Variants in KLHL7 observed in about 807,000 individuals in gnomAD.
KLHL7 encodes the protein kelch-like protein 7.
Under a neutral mutation model 67.4 loss-of-function variants are expected in KLHL7, and 44 were observed. That is an observed-to-expected ratio of 0.65 (90% CI 0.51 to 0.84). The LOEUF (loss-of-function observed/expected upper bound fraction) is 0.84. Ranked by LOEUF, KLHL7 falls within the 40% of genes least tolerant of loss-of-function variation. KLHL7 has a pLI of 0.00. For missense variants in KLHL7, 362 were observed against 718.1 expected (o/e 0.50, Z 5.67); for synonymous variants, 252 against 243.3 (o/e 1.04, Z -0.33).
intron 4 of KLHL7, among the ~76,000 whole-genome samples, chr7:23,131,289 A>C (rs1329010932): frequency 6.6e-6 from 1 of 152,182 alleles, no homozygotes; most frequent in Non-Finnish European, 1.5e-5. Flanking sequence ...GCCTTTGAAA[A>C]TTTGGCCCTT....
chr7:23,165,617 T>C (rs1206276565), intron 7 of KLHL7, 81 bp from the exon 8 acceptor site: 90 of 1,470,194 alleles, frequency 6.1e-5, no homozygotes, highest in Non-Finnish European at 7.7e-5. Flanking sequence ...TTCTTATATG[T>C]TTTTTGACTG....
At chr7:23,146,668 T>TCTTCTTC (rs1554290060) in intron 6 of KLHL7, among the ~76,000 whole-genome samples, 6 of 128,258 alleles carry the variant, frequency 4.7e-5, no homozygotes, top group African/African-American at 2.7e-4. Context: ...TTCTTCTTCT[T>TCTTCTTC]TTTTTTTTAA....
At chr7:23,168,788 A>G (rs1487988415) in intron 9 of KLHL7, among the ~76,000 whole-genome samples, 1 of 152,206 alleles carries the variant, frequency 6.6e-6, no homozygotes. Context: ...ACTTGATCAT[A>G]TGGCTGGATT....
chr7:23,130,758 C>T (rs546321645), intron 4 of KLHL7, among the ~76,000 whole-genome samples: 2 of 151,544 alleles, frequency 1.3e-5, no homozygotes, highest in South Asian at 2.1e-4. Flanking sequence ...TGATCTGCCT[C>T]GATAAATAAC....
intron 4 of KLHL7, among the ~76,000 whole-genome samples, chr7:23,126,484 G>C (rs1783578189): frequency 6.6e-6 from 1 of 152,088 alleles, no homozygotes; most frequent in Admixed American, 6.5e-5. Context: ...ATGAAGGAAA[G>C]TATAAAGAGG....
At chr7:23,155,280 T>G (rs1784666658) in intron 7 of KLHL7, among the ~76,000 whole-genome samples, 1 of 152,194 alleles carries the variant, frequency 6.6e-6, no homozygotes, top group African/African-American at 2.4e-5. Flanking sequence ...CTATTTGTGT[T>G]TTTTAATTTT....
At chr7:23,108,693 G>C (rs1292987855) in intron 1 of KLHL7, among the ~76,000 whole-genome samples, 1 of 152,232 alleles carries the variant, frequency 6.6e-6, no homozygotes, top group Non-Finnish European at 1.5e-5. Context: ...GGAGCTCTTT[G>C]TTCTGTCTTT....
At chr7:23,125,896 G>T (rs1178017129) in intron 4 of KLHL7, 1 of 1,528,976 alleles carries the variant, frequency 6.5e-7, no homozygotes, top group Admixed American at 2.0e-5. Flanking sequence ...TACGTTCCAA[G>T]ACCCCCAGTG....
intron 1 of KLHL7, among the ~76,000 whole-genome samples, chr7:23,110,921 A>G (rs1415701686): frequency 6.6e-6 from 1 of 151,990 alleles, no homozygotes; most frequent in African/African-American, 2.4e-5. Context: ...TTGGCTTCCA[A>G]GTTCATTCAT....
intron 7 of KLHL7, among the ~76,000 whole-genome samples, chr7:23,158,519 A>G (rs1408148998): frequency 1.3e-5 from 2 of 152,210 alleles, no homozygotes; most frequent in African/African-American, 4.8e-5. Context: ...ATTATTTTCT[A>G]TGAAAATTTG....
At chr7:23,152,257 G>T in intron 7 of KLHL7, 48 bp downstream of exon 7, 1 of 1,548,232 alleles carries the variant, frequency 6.5e-7, no homozygotes, top group South Asian at 1.1e-5. Context: ...TGAAATCACT[G>T]AACACATAAG....
chr7:23,173,817 A>G (rs1316984385), intron 10 of KLHL7, among the ~76,000 whole-genome samples, 198 bp from the exon 11 acceptor site: 1 of 152,256 alleles, frequency 6.6e-6, no homozygotes, highest in African/African-American at 2.4e-5. Context: ...AAAAAGAAAT[A>G]TTAAATGTCT....
chr7:23,152,367 A>C (rs1784563948), intron 7 of KLHL7, among the ~76,000 whole-genome samples, 158 bp downstream of exon 7: 1 of 152,254 alleles, frequency 6.6e-6, no homozygotes, highest in Non-Finnish European at 1.5e-5. Context: ...CATTTTACAG[A>C]TAAGGAAATC....
At chr7:23,173,315 G>A (rs858260) in intron 10 of KLHL7, among the ~76,000 whole-genome samples, 6,309 of 151,940 alleles carry the variant, frequency 0.042, 175 homozygotes, top group South Asian at 0.08. Flanking sequence ...GAATGATGTC[G>A]CACCAGCTTA....
rs116047381 is a variant in KLHL7, at chr7:23,113,253, G to A, written c.120+7107G>A. On this transcript the variant is annotated intron_variant, in intron 1 of 10. Coordinates refer to ENST00000339077, the MANE Select transcript of KLHL7 (RefSeq NM_001031710.3). Reference sequence around the variant, plus strand: ...TGGTATTATGGCTGTCAGTATTTTTGAAGATTCTTTTGACATTGTTATGAA... The same window carrying A: ...TGGTATTATGGCTGTCAGTATTTTTAAAGATTCTTTTGACATTGTTATGAA... Among the ~76,000 whole-genome samples the A allele has an allele frequency of 7.5e-3, 1,148 of 152,264 alleles. 42 individuals carry two copies. The highest frequency in any genetic ancestry group is 0.063 in the Admixed American group (964 of 15,288).
intron 4 of KLHL7, among the ~76,000 whole-genome samples, chr7:23,127,006 C>T (rs552456159): frequency 1.3e-5 from 2 of 152,298 alleles, no homozygotes; most frequent in Non-Finnish European, 2.9e-5. Flanking sequence ...GTAATTGGGG[C>T]TTCACTCATC....
chr7:23,167,763 G>T, intron 8 of KLHL7, 73 bp from the exon 9 acceptor site: 1 of 1,344,398 alleles, frequency 7.4e-7, no homozygotes, highest in Admixed American at 1.7e-5. Flanking sequence ...TAACTAATAA[G>T]ATCTACAGTC....
intron 4 of KLHL7, among the ~76,000 whole-genome samples, chr7:23,131,646 A>G (rs1562565003): frequency 2.0e-5 from 3 of 151,978 alleles, no homozygotes; most frequent in South Asian, 2.1e-4. Flanking sequence ...AAACAATCCA[A>G]TTACACTCTA....
Position 23,174,703 on chromosome 7 carries a change from C to T in KLHL7, c.*405C>T, listed in dbSNP as rs1035255458. ...AGGTCTGTTTGTGCTCAGTCAAGAA[C>T]TAAGAAATAGTATGAATTGTAAGTC... On this transcript the variant is annotated 3_prime_UTR_variant, in exon 11 of 11. Transcript: ENST00000339077. 4 of 456,192 alleles carry T rather than the reference C, an allele frequency of 8.8e-6. No individual in the cohort carries two copies. Among genetic ancestry groups the T allele is most frequent in the African/African-American group, 8.0e-5 (4 of 50,076 alleles). 28.3% of individuals were successfully genotyped at this position (456,192 alleles called of 1,614,324 possible).
Sources: gnomAD v4.1 joint callset for allele counts (sites outside exome capture counted in the v4.1 genomes callset) on GRCh38, gnomAD v4.1.1 for gene constraint, MANE v1.5 for transcripts, NCBI Gene and HGNC (gene_info 2026-07-23, HGNC 2026-07-21) for gene names.